Variants in TEX264 observed in about 807,000 individuals in gnomAD.
The protein encoded by TEX264 is testis expressed 264, ER-phagy receptor.
A neutral mutation model predicts 23.4 loss-of-function variants in TEX264; 13 were observed. That is an observed-to-expected ratio of 0.56 (90% CI 0.36 to 0.88). The LOEUF (loss-of-function observed/expected upper bound fraction) is 0.88, where lower values mean the gene tolerates loss of function less well. Ranked by LOEUF, TEX264 falls within the 40% of genes least tolerant of loss-of-function variation. The pLI is 0.01. For synonymous variants in TEX264, 159 were observed against 170.0 expected, an observed-to-expected ratio of 0.94 and a Z score of 0.50; for missense variants, 340 against 406.8, an observed-to-expected ratio of 0.84 and a Z score of 1.41.
chr3:51,702,223 T>TAA (rs1281849603), intron 4 of TEX264, among the ~76,000 whole-genome samples: 2 of 152,068 alleles, frequency 1.3e-5, no homozygotes, highest in Non-Finnish European at 2.9e-5. Context: ...GGGGCACTGA[T>TAA]CATTATTTAA....
chr3:51,687,412 GGA>G (rs1431874263), intron 3 of TEX264, among the ~76,000 whole-genome samples: 1 of 152,220 alleles, frequency 6.6e-6, no homozygotes, highest in Non-Finnish European at 1.5e-5. Context: ...GAGACAGCAA[GGA>G]GAGAGTATAA....
Position 51,703,368 on chromosome 3 carries a change from C to G in TEX264, c.650-356C>G, listed in dbSNP as rs1487665828. ...CACTACTTGTGTCTCTTTGTTCTAC[C>G]TCAGCTCCTCACCTCAGGGCTGAGT... On this transcript the variant is annotated intron_variant, in intron 4 of 4. Coordinates refer to ENST00000341333, the MANE Select transcript of TEX264 (RefSeq NM_015926.6). This position sits in a 1 kb window ranked among gnomAD's most constrained non-coding sequence, Gnocchi z 4.8. Among the ~76,000 whole-genome samples the G allele has an allele frequency of 6.6e-6, 1 of 152,146 alleles. No individual in the cohort carries two copies. Among genetic ancestry groups the G allele is most frequent in the Non-Finnish European group, 1.5e-5 (1 of 68,014 alleles).
rs1043651404 is a variant in TEX264, at chr3:51,686,006, CAT to C, written c.480+1373_480+1374del. Among the ~76,000 whole-genome samples, 6 of 152,022 alleles carry C rather than the reference CAT, an allele frequency of 3.9e-5. No homozygotes were observed. The highest frequency in any genetic ancestry group is 3.2e-3 in the Middle Eastern group (1 of 316). On this transcript the variant is annotated intron_variant, in intron 3 of 4. Transcript: ENST00000341333. The surrounding 1 kb of genome is among the most constrained non-coding windows in gnomAD (Gnocchi z 4.1). ...AAGTATGTAGTGATGCTTTCACTGA[CAT>C]GTGGGGAACTGAGGGAGGCCCTGGT...
intron 3 of TEX264, among the ~76,000 whole-genome samples, chr3:51,693,636 C>T (rs772160528): frequency 6.6e-6 from 1 of 152,024 alleles, no homozygotes; most frequent in Non-Finnish European, 1.5e-5. Flanking sequence ...TCCGACACCA[C>T]GCCCAGCTAA....
At chr3:51,693,548 C>T (rs542408942) in intron 3 of TEX264, among the ~76,000 whole-genome samples, 6 of 149,882 alleles carry the variant, frequency 4.0e-5, no homozygotes, top group South Asian at 2.1e-4. Flanking sequence ...GGCACGATCG[C>T]GGCTCACTGC....
intron 3 of TEX264, among the ~76,000 whole-genome samples, chr3:51,697,595 A>T (rs754712529): frequency 6.6e-6 from 1 of 152,190 alleles, no homozygotes; most frequent in Non-Finnish European, 1.5e-5. Context: ...CTGGGGAAGG[A>T]CCTGGACCTT....
chr3:51,682,534 A>C (rs906967066), intron 2 of TEX264: 2 of 152,184 alleles, frequency 1.3e-5, no homozygotes, highest in Admixed American at 1.3e-4. Context: ...GGCCATGGAC[A>C]GTTGTTTGGA....
chr3:51,680,171 T>C (rs1473308350), intron 2 of TEX264, among the ~76,000 whole-genome samples: 4 of 152,204 alleles, frequency 2.6e-5, no homozygotes, highest in Non-Finnish European at 5.9e-5. Flanking sequence ...CTGCTGTCCC[T>C]GTCAGGTTGT....
chr3:51,672,210 G>A (rs1017237550), intron 1 of TEX264: 8 of 152,252 alleles, frequency 5.3e-5, no homozygotes, highest in African/African-American at 1.9e-4. Context: ...TCCTGGGCAG[G>A]GGTGACTGTT....
chr3:51,699,581 A>G lies in TEX264; in HGVS notation c.649+7A>G, dbSNP rs767253995. 3.1e-6 allele frequency: 5 copies of G among 1,613,442 alleles called. No homozygotes were observed. Among genetic ancestry groups the G allele is most frequent in the Non-Finnish European group, 4.2e-6 (5 of 1,179,546 alleles). On this transcript the variant is annotated splice_region_variant and intron_variant, in intron 4 of 4. Transcript: ENST00000341333. ...ACCCAGGTGGATGGCACAGGTACAGAAGGTGGGGTATGAGGATGGGGCCCT... is the reference window on the plus strand; with the variant it reads ...ACCCAGGTGGATGGCACAGGTACAGGAGGTGGGGTATGAGGATGGGGCCCT...
chr3:51,688,548 A>G (rs542546551), intron 3 of TEX264, among the ~76,000 whole-genome samples: 10 of 152,216 alleles, frequency 6.6e-5, no homozygotes, highest in African/African-American at 2.4e-4. Context: ...GCCCTTCCCC[A>G]TGGTCTCTGA....
intron 3 of TEX264, among the ~76,000 whole-genome samples, chr3:51,694,039 CT>C (rs1559680608): frequency 2.3e-5 from 3 of 132,028 alleles, no homozygotes; most frequent in African/African-American, 9.4e-5. Flanking sequence ...TCCTTCCTTC[CT>C]TCCTTCCTCC....
chr3:51,690,334 C>A (rs1232068775), intron 3 of TEX264, among the ~76,000 whole-genome samples: 1 of 152,046 alleles, frequency 6.6e-6, no homozygotes, highest in Non-Finnish European at 1.5e-5. Context: ...GAGTTTGAGA[C>A]CAGCCTGGCC....
At chr3:51,672,470 T>C (rs1702082572) in intron 1 of TEX264, 1 of 152,152 alleles carries the variant, frequency 6.6e-6, no homozygotes, top group Non-Finnish European at 1.5e-5. Flanking sequence ...CTAAGTTTCC[T>C]TGAGGAGACA....
intron 3 of TEX264, among the ~76,000 whole-genome samples, chr3:51,689,871 GGA>G (rs2106969207): frequency 6.6e-6 from 1 of 152,352 alleles, no homozygotes; most frequent in South Asian, 2.1e-4. Flanking sequence ...TGTCTTGAGG[GGA>G]GTGTGACTGA....
intron 1 of TEX264, among the ~76,000 whole-genome samples, chr3:51,673,084 T>A (rs970282629): frequency 6.6e-6 from 1 of 152,206 alleles, no homozygotes; most frequent in Non-Finnish European, 1.5e-5. Context: ...AATTTTTTTT[T>A]AGCGTAAAAT....
At chr3:51,684,187 T>C (rs1702528399) in intron 2 of TEX264, 1 of 539,760 alleles carries the variant, frequency 1.9e-6, no homozygotes, top group Non-Finnish European at 3.3e-6. Flanking sequence ...GGGCATGGCA[T>C]GTTTGTTGAA....
In TEX264 at chr3:51,686,113, A is replaced by G. The variant is rs1702611760; in HGVS notation, c.480+1479A>G. Among the ~76,000 whole-genome samples the G allele has an allele frequency of 6.6e-6, 1 of 152,106 alleles. No individual in the cohort carries two copies. Among genetic ancestry groups the G allele is most frequent in the Admixed American group, 6.5e-5 (1 of 15,272 alleles). ...CTAAGTTGGGGGGTGTGGAGTCAGC[A>G]ATGGTATGTGTGGCCTGGAGTTGAG... On this transcript the variant is annotated intron_variant, in intron 3 of 4. Transcript: ENST00000341333. The surrounding 1 kb of genome is among the most constrained non-coding windows in gnomAD (Gnocchi z 4.1).
intron 3 of TEX264, among the ~76,000 whole-genome samples, chr3:51,685,803 T>C (rs577848473): frequency 6.6e-6 from 1 of 152,136 alleles, no homozygotes; most frequent in Non-Finnish European, 1.5e-5. Flanking sequence ...ATGAATCCCA[T>C]TGTGAGTGGT....
Sources: gnomAD v4.1 joint callset for allele counts (sites outside exome capture counted in the v4.1 genomes callset) on GRCh38, gnomAD v4.1.1 for gene constraint, Gnocchi (gnomAD v3.1) non-coding constraint, MANE v1.5 for transcripts, NCBI Gene and HGNC (gene_info 2026-07-23, HGNC 2026-07-21) for gene names.